Variants in GALNTL6 observed in about 807,000 individuals in gnomAD.
GALNTL6 encodes polypeptide N-acetylgalactosaminyltransferase like 6.
A neutral mutation model predicts 73.7 loss-of-function variants in GALNTL6; 46 were observed. The ratio of observed to expected loss-of-function variants is 0.62; its 90% CI spans 0.49 to 0.80. The LOEUF is 0.80. Among genes scored for constraint, GALNTL6 ranks in the 30% least tolerant of loss-of-function variants. The pLI is 0.00. For synonymous variants in GALNTL6, 259 were observed against 263.7 expected (o/e 0.98, Z 0.17); for missense variants, 604 against 755.0 (o/e 0.80, Z 2.34).
At chr4:172,997,213 A>G (rs541993155) in intron 10 of GALNTL6, among the ~76,000 whole-genome samples, 1 of 152,282 alleles carries the variant, frequency 6.6e-6, no homozygotes, top group East Asian at 1.9e-4. Context: ...GTTGCCACAG[A>G]TTTAACGCCT....
At chr4:171,989,371 G>A (rs1353000902) in intron 2 of GALNTL6, among the ~76,000 whole-genome samples, 5 of 152,148 alleles carry the variant, frequency 3.3e-5, no homozygotes, top group Non-Finnish European at 7.3e-5. Flanking sequence ...CTCTGGGAGT[G>A]GCTGCCAGGT....
chr4:172,118,471 G>A (rs181170328), intron 2 of GALNTL6, among the ~76,000 whole-genome samples: 407 of 152,212 alleles, frequency 2.7e-3, no homozygotes, highest in African/African-American at 7.9e-3. Context: ...AGGCCAAGGC[G>A]GGTGGATTAC....
intron 10 of GALNTL6, among the ~76,000 whole-genome samples, chr4:172,992,434 CTT>C (rs903539370): frequency 1.3e-5 from 2 of 152,076 alleles, no homozygotes; most frequent in Non-Finnish European, 2.9e-5. Context: ...TTAAAACTGT[CTT>C]TATTTTTCAA....
intron 5 of GALNTL6, among the ~76,000 whole-genome samples, chr4:172,515,007 T>C (rs974165992): frequency 6.6e-6 from 1 of 152,172 alleles, no homozygotes; most frequent in Non-Finnish European, 1.5e-5. Context: ...CTGAATTCTT[T>C]TGGTTTTCCT....
chr4:172,711,549 A>G (rs1734705230), intron 5 of GALNTL6, among the ~76,000 whole-genome samples: 1 of 152,184 alleles, frequency 6.6e-6, no homozygotes, highest in Non-Finnish European at 1.5e-5. Context: ...TGCCGGGTGA[A>G]CAAGGTAGGG....
chr4:172,289,715 A>G (rs1179653723), intron 3 of GALNTL6, among the ~76,000 whole-genome samples: 1 of 152,216 alleles, frequency 6.6e-6, no homozygotes, highest in Non-Finnish European at 1.5e-5. Flanking sequence ...TGATGCTGGC[A>G]TGAGTTATTA....
intron 2 of GALNTL6, among the ~76,000 whole-genome samples, chr4:172,176,167 A>G (rs112617737): frequency 0.36 from 53,752 of 150,538 alleles, 9,802 homozygotes; most frequent in African/African-American, 0.39. Context: ...GTGAAACCCC[A>G]TCTCTACTAA....
chr4:172,592,961 G>A (rs1044492991), intron 5 of GALNTL6, among the ~76,000 whole-genome samples: 1 of 151,854 alleles, frequency 6.6e-6, no homozygotes, highest in Non-Finnish European at 1.5e-5. Flanking sequence ...TTTATCCTAG[G>A]ATTTGAAATA....
chr4:172,379,901 A>G (rs1171552224), intron 5 of GALNTL6: 3 of 544,390 alleles, frequency 5.5e-6, no homozygotes, highest in East Asian at 3.7e-5. Flanking sequence ...TTTAATCACC[A>G]AAGGACTGAA....
chr4:172,553,557 C>G (rs1736038542), intron 5 of GALNTL6, among the ~76,000 whole-genome samples: 2 of 152,088 alleles, frequency 1.3e-5, no homozygotes, highest in Non-Finnish European at 2.9e-5. Flanking sequence ...AAAATCTGAA[C>G]TCCTGTTAGT....
At chr4:172,221,076 G>A (rs1736659584) in intron 2 of GALNTL6, among the ~76,000 whole-genome samples, 1 of 151,750 alleles carries the variant, frequency 6.6e-6, no homozygotes, top group African/African-American at 2.4e-5. Flanking sequence ...TATTTTGGTA[G>A]TAGATATATG....
At chr4:173,026,130 T>C (rs978306216) in intron 12 of GALNTL6, among the ~76,000 whole-genome samples, 8 of 152,232 alleles carry the variant, frequency 5.3e-5, no homozygotes, top group African/African-American at 1.9e-4. Flanking sequence ...GGTTTCCCCA[T>C]ATATACAACC....
chr4:172,751,938 T>C (rs76349752), intron 5 of GALNTL6, among the ~76,000 whole-genome samples: 2,814 of 152,174 alleles, frequency 0.018, 41 homozygotes, highest in Middle Eastern at 0.034. Context: ...CAAGAACTCT[T>C]TCATTAAAAA....
At chr4:172,818,517 A>G (rs567821333) in intron 7 of GALNTL6, among the ~76,000 whole-genome samples, 3 of 152,276 alleles carry the variant, frequency 2.0e-5, no homozygotes, top group Admixed American at 6.5e-5. Context: ...GACATTCTCT[A>G]TTTTCCATCT....
intron 5 of GALNTL6, among the ~76,000 whole-genome samples, chr4:172,419,804 A>G (rs1055320760): frequency 2.0e-5 from 3 of 152,168 alleles, no homozygotes; most frequent in Non-Finnish European, 4.4e-5. Context: ...GGCTAGATCA[A>G]CTGAGGACCT....
chr4:172,652,803 A>G (rs529809738), intron 5 of GALNTL6, among the ~76,000 whole-genome samples: 46 of 152,240 alleles, frequency 3.0e-4, no homozygotes, highest in Non-Finnish European at 5.4e-4. Context: ...ATACTTCTCA[A>G]TTTGATTCAA....
At position 172,311,770 on chromosome 4, in the gene GALNTL6, A is replaced by G. The variant is rs1440448159; in HGVS notation, c.386+18A>G. The G allele has an allele frequency of 9.1e-6, 14 of 1,530,360 alleles. No individual in the cohort carries two copies. Among genetic ancestry groups the G allele is most frequent in the African/African-American group, 1.4e-5 (1 of 72,014 alleles). The allele number at this position is 1,530,360 out of a possible 1,614,324, so 94.8% of individuals were successfully genotyped here. Reference sequence around the variant, plus strand: ...CATGCTAAGTGAGTATCAGCATATCAGTGATCAGGGTGGGTTTTTTTGGTT... The same window carrying G: ...CATGCTAAGTGAGTATCAGCATATCGGTGATCAGGGTGGGTTTTTTTGGTT... On this transcript the variant is annotated intron_variant, in intron 4 of 12. Coordinates refer to ENST00000506823, the MANE Select transcript of GALNTL6 (RefSeq NM_001034845.3).
rs556144418 is a variant in GALNTL6 at position 172,321,165 on chromosome 4, T to C, written c.386+9413T>C. 3.1e-3 allele frequency among the ~76,000 whole-genome samples: 469 copies of C among 152,234 alleles called. 2 individuals carry two copies. The highest frequency in any genetic ancestry group is 6.4e-3 in the African/African-American group (267 of 41,548). On this transcript the variant is annotated intron_variant, in intron 4 of 12. Coordinates refer to ENST00000506823, the MANE Select transcript of GALNTL6 (RefSeq NM_001034845.3). ...GTGTGTATGTGCTGGAAAATAATAA[T>C]AAATATAGAGTTAGGTACTATCTGC...
At chr4:171,942,935 T>C (rs1578993323) in intron 2 of GALNTL6, among the ~76,000 whole-genome samples, 1 of 152,176 alleles carries the variant, frequency 6.6e-6, no homozygotes, top group East Asian at 1.9e-4. Context: ...AAAACCAATA[T>C]TCATGAGTAA....
Sources: gnomAD v4.1 joint callset for allele counts (sites outside exome capture counted in the v4.1 genomes callset) on GRCh38, gnomAD v4.1.1 for gene constraint, MANE v1.5 for transcripts, NCBI Gene and HGNC (gene_info 2026-07-23, HGNC 2026-07-21) for gene names.